The following SH3D19 variants were observed in gnomAD, a reference collection of about 807,000 sequenced individuals.
SH3D19 encodes the protein SH3 domain-containing protein 19.
In SH3D19, 58 loss-of-function variants were observed where a neutral mutation model predicts 112.1. The ratio of observed to expected loss-of-function variants is 0.52; its 90% confidence interval spans 0.42 to 0.64. The LOEUF (loss-of-function observed/expected upper bound fraction) is 0.64. Ranked by LOEUF, SH3D19 falls within the 30% of genes least tolerant of loss-of-function variation. The pLI is 0.00. For synonymous variants in SH3D19, 391 were observed against 448.5 expected, an observed-to-expected ratio of 0.87 and a Z score of 1.62; for missense variants, 1,090 against 1,263.4, an observed-to-expected ratio of 0.86 and a Z score of 2.08.
chr4:151,211,891 A>G (rs1766032439), intron 2 of SH3D19, among the ~76,000 whole-genome samples: 1 of 152,244 alleles, frequency 6.6e-6, no homozygotes, highest in Non-Finnish European at 1.5e-5. Flanking sequence ...TGCAAGGTGA[A>G]GTTGCAAGTG....
chr4:151,195,616 AT>A (rs965037910), intron 2 of SH3D19, among the ~76,000 whole-genome samples: 4 of 151,000 alleles, frequency 2.6e-5, no homozygotes, highest in Admixed American at 1.3e-4. Context: ...ACATTTATAT[AT>A]TTTTTTAATC....
intron 3 of SH3D19, among the ~76,000 whole-genome samples, chr4:151,180,484 G>A (rs557639638): frequency 7.1e-6 from 1 of 140,106 alleles, no homozygotes; most frequent in East Asian, 2.1e-4. Context: ...TTGGCTCACT[G>A]CAAGCTCTGC....
intron 2 of SH3D19, among the ~76,000 whole-genome samples, chr4:151,196,164 C>T (rs192580814): frequency 3.6e-4 from 55 of 152,244 alleles, no homozygotes; most frequent in African/African-American, 1.2e-3. Flanking sequence ...ATATCAAAAA[C>T]GGAACATCAA....
At chr4:151,125,781 G>A (rs1749132964) in intron 19 of SH3D19, among the ~76,000 whole-genome samples, 1 of 147,888 alleles carries the variant, frequency 6.8e-6, no homozygotes, top group South Asian at 2.1e-4. Flanking sequence ...GAACCCAGGA[G>A]GCAGACCGAG....
At chr4:151,245,605 TTTTG>T (rs1011125522) in intron 1 of SH3D19, among the ~76,000 whole-genome samples, 3 of 152,264 alleles carry the variant, frequency 2.0e-5, no homozygotes, top group African/African-American at 4.8e-5. Flanking sequence ...CTTCTGAGTC[TTTTG>T]TTTGTTTGTT....
intron 1 of SH3D19, among the ~76,000 whole-genome samples, chr4:151,310,590 TTTTTA>T (rs1729353347): frequency 6.6e-6 from 1 of 151,758 alleles, no homozygotes; most frequent in Non-Finnish European, 1.5e-5. Flanking sequence ...CTTTTTTTTT[TTTTTA>T]GACTCTTGCT....
intron 4 of SH3D19, among the ~76,000 whole-genome samples, chr4:151,177,918 C>T (rs1760206387): frequency 6.6e-6 from 1 of 151,946 alleles, no homozygotes; most frequent in Admixed American, 6.6e-5. Flanking sequence ...TCTACATTCT[C>T]ATGTTTAAAG....
At chr4:151,254,929 G>A (rs1272012612) in intron 1 of SH3D19, among the ~76,000 whole-genome samples, 3 of 150,352 alleles carry the variant, frequency 2.0e-5, no homozygotes, top group Non-Finnish European at 1.5e-5. Flanking sequence ...TCCCGGGAGG[G>A]GCGGCTGGCC....
chr4:151,280,112 G>GGC (rs1774064886), intron 1 of SH3D19, among the ~76,000 whole-genome samples: 3 of 152,256 alleles, frequency 2.0e-5, no homozygotes, highest in Non-Finnish European at 4.4e-5. Context: ...AACAACTAGA[G>GGC]ACAGGGCATA....
At chr4:151,241,974 C>CAT (rs1208974374) in intron 1 of SH3D19, among the ~76,000 whole-genome samples, 87 of 150,304 alleles carry the variant, frequency 5.8e-4, no homozygotes, top group African/African-American at 1.9e-3. Context: ...GTGAGGATTG[C>CAT]TTGAACCCAG....
chr4:151,217,659 A>C (rs1767348935), intron 2 of SH3D19, among the ~76,000 whole-genome samples: 1 of 152,220 alleles, frequency 6.6e-6, no homozygotes, highest in Non-Finnish European at 1.5e-5. Context: ...GAAAACAAAA[A>C]AAAAATCTAT....
chr4:151,286,784 A>T (rs192850939), intron 1 of SH3D19, among the ~76,000 whole-genome samples: 160 of 151,816 alleles, frequency 1.1e-3, no homozygotes, highest in African/African-American at 3.8e-3. Flanking sequence ...GTTCGAGACG[A>T]GCCTAGCAAA....
chr4:151,299,418 T>C lies in SH3D19; in HGVS notation c.112+25823A>G, dbSNP rs537931371. Among the ~76,000 whole-genome samples, 720 of 151,946 alleles carry C rather than the reference T, an allele frequency of 4.7e-3. 6 individuals are homozygous for C. Among genetic ancestry groups the C allele is most frequent in the Non-Finnish European group, 7.6e-3 (514 of 67,934 alleles). On this transcript the variant is annotated intron_variant, in intron 1 of 19. Coordinates refer to ENST00000604030, the MANE Select transcript of SH3D19 (RefSeq NM_001378122.1). ...CAACATGGAGAAACCCCGTCTCCACTAAAAATACAAAATTAGCCTGGCGTG... is the reference window on the plus strand; with the variant it reads ...CAACATGGAGAAACCCCGTCTCCACCAAAAATACAAAATTAGCCTGGCGTG...
chr4:151,291,355 C>A, intron 1 of SH3D19: 1 of 1,613,952 alleles, frequency 6.2e-7, no homozygotes, highest in Non-Finnish European at 8.5e-7. Flanking sequence ...TGCCTTTGGA[C>A]CTAACACTAT....
chr4:151,198,470 T>TA (rs2149879729), intron 2 of SH3D19, among the ~76,000 whole-genome samples: 1 of 146,282 alleles, frequency 6.8e-6, no homozygotes, highest in Non-Finnish European at 1.5e-5. Context: ...TCTTTATATA[T>TA]AAAAATATAT....
intron 9 of SH3D19, among the ~76,000 whole-genome samples, chr4:151,158,378 C>T (rs1227053069): frequency 6.6e-6 from 1 of 152,094 alleles, no homozygotes; most frequent in Non-Finnish European, 1.5e-5. Context: ...TGGCTCACTG[C>T]AACCTCTGTC....
At chr4:151,228,659 C>A (rs1010380603) in intron 1 of SH3D19, among the ~76,000 whole-genome samples, 2 of 152,008 alleles carry the variant, frequency 1.3e-5, no homozygotes, top group African/African-American at 2.4e-5. Flanking sequence ...CAAGACTGAA[C>A]AAAACAAATC....
rs1231279183 is a variant in SH3D19, at chr4:151,139,856, G to A, written c.2224-9C>T. 3.7e-6 allele frequency: 6 copies of A among 1,613,694 alleles called. No individual in the cohort carries two copies. Among genetic ancestry groups the A allele is most frequent in the African/African-American group, 1.3e-5 (1 of 74,914 alleles). Reference sequence around the variant, plus strand: ...TGAGCGTGGCTTGGATCCTTAGGGGGAGAAAAGGGCTGTGAATGAAGTGTG... The same window carrying A: ...TGAGCGTGGCTTGGATCCTTAGGGGAAGAAAAGGGCTGTGAATGAAGTGTG... On this transcript the variant is annotated splice_polypyrimidine_tract_variant and intron_variant, in intron 12 of 19. Coordinates refer to ENST00000604030, the MANE Select transcript of SH3D19 (RefSeq NM_001378122.1).
chr4:151,267,577 A>G (rs184774344), intron 1 of SH3D19, among the ~76,000 whole-genome samples: 55 of 152,274 alleles, frequency 3.6e-4, no homozygotes, highest in African/African-American at 1.2e-3. Context: ...CATCTTTTTG[A>G]CCTTCTAACA....
Sources: gnomAD v4.1 joint callset for allele counts (sites outside exome capture counted in the v4.1 genomes callset) on GRCh38, gnomAD v4.1.1 for gene constraint, MANE v1.5 for transcripts, NCBI Gene and HGNC (gene_info 2026-07-23, HGNC 2026-07-21) for gene names.